The following LRSAM1 variants were observed in gnomAD, a reference collection of about 807,000 sequenced individuals.
LRSAM1 encodes the protein E3 ubiquitin-protein ligase LRSAM1.
Under a neutral mutation model 118.1 loss-of-function variants are expected in LRSAM1, and 96 were observed. That is an observed-to-expected ratio of 0.81 (90% CI 0.69 to 0.96). LRSAM1 has a LOEUF of 0.96. LRSAM1 is among the 40% of genes least tolerant of loss of function. The pLI is 0.00. For synonymous variants in LRSAM1, 322 were observed against 364.2 expected (o/e 0.88, Z 1.32); for missense variants, 804 against 915.5 (o/e 0.88, Z 1.57).
chr9:127,456,968 C>T (rs1282286497), intron 5 of LRSAM1, among the ~76,000 whole-genome samples: 3 of 152,062 alleles, frequency 2.0e-5, no homozygotes, highest in East Asian at 3.9e-4. Flanking sequence ...TTTTATTTAA[C>T]ATCATGGCAG....
chr9:127,497,307 C>T lies in LRSAM1; in HGVS notation c.1885C>T (p.Leu629=), dbSNP rs764391717. 3.4e-5 allele frequency: 55 copies of T among 1,612,764 alleles called. No homozygotes were observed. Among genetic ancestry groups the T allele is most frequent in the Non-Finnish European group, 4.3e-5 (51 of 1,179,986 alleles). ...QHEILRRVQE[L]LDAARIQPEL... ...CGAGATCCTCCGGAGAGTCCAGGAA[C>T]TGCTGGATGCAGCCAGGATCCAGCC... Residue 629 remains leucine, a synonymous_variant, in exon 24 of 26, where the codon CTG becomes TTG. Transcript: ENST00000300417.
At chr9:127,457,863 C>T (rs1834578793) in intron 6 of LRSAM1, among the ~76,000 whole-genome samples, 1 of 151,972 alleles carries the variant, frequency 6.6e-6, no homozygotes, top group African/African-American at 2.4e-5. Flanking sequence ...AGGCCGGCAG[C>T]ACAGGTGTCA....
chr9:127,462,816 G>A (rs2132015876), intron 9 of LRSAM1, among the ~76,000 whole-genome samples: 1 of 151,142 alleles, frequency 6.6e-6, no homozygotes, highest in South Asian at 2.1e-4. Flanking sequence ...TGCTGCACAT[G>A]TACTCCTGAG....
intron 24 of LRSAM1, 57 bp downstream of exon 24, chr9:127,497,391 T>C: frequency 2.0e-6 from 3 of 1,519,052 alleles, no homozygotes; most frequent in East Asian, 2.3e-5. Context: ...GTGTGGGCTC[T>C]GGTGGGGACA....
At chr9:127,463,094 G>A (rs1180968849) in intron 9 of LRSAM1, among the ~76,000 whole-genome samples, 4 of 151,722 alleles carry the variant, frequency 2.6e-5, no homozygotes, top group Non-Finnish European at 5.9e-5. Context: ...CTACTCGGGG[G>A]AGGCTGAGAC....
chr9:127,478,173 T>TA (rs1286687924), intron 11 of LRSAM1, among the ~76,000 whole-genome samples: 1 of 152,176 alleles, frequency 6.6e-6, no homozygotes, highest in African/African-American at 2.4e-5. Context: ...TGATGTTTAA[T>TA]ACCTGCTCCT....
intron 8 of LRSAM1, among the ~76,000 whole-genome samples, chr9:127,461,761 T>C (rs558626068): frequency 6.6e-6 from 1 of 152,256 alleles, no homozygotes; most frequent in Non-Finnish European, 1.5e-5. Flanking sequence ...CCAAGACCAC[T>C]GCACAGGCGC....
At chr9:127,483,712 G>A (rs1835622847) in intron 16 of LRSAM1, among the ~76,000 whole-genome samples, 2 of 152,256 alleles carry the variant, frequency 1.3e-5, no homozygotes, top group East Asian at 3.9e-4. Flanking sequence ...TGCTCAGGCT[G>A]GAGTACAGTG....
chr9:127,483,745 C>T (rs1462635486), intron 16 of LRSAM1, among the ~76,000 whole-genome samples: 3 of 152,118 alleles, frequency 2.0e-5, no homozygotes, highest in Admixed American at 6.6e-5. Flanking sequence ...CTCACTGCAA[C>T]CTCCGCCTCC....
At chr9:127,466,776 G>A (rs761453114) in intron 9 of LRSAM1, among the ~76,000 whole-genome samples, 2 of 151,798 alleles carry the variant, frequency 1.3e-5, no homozygotes, top group African/African-American at 2.4e-5. Flanking sequence ...ACTTTGGGAG[G>A]CGGGCGAATT....
At chr9:127,496,456 CTGGGCACAAGCTGAGCTCT>C (rs1836149048) in intron 23 of LRSAM1, among the ~76,000 whole-genome samples, 1 of 152,228 alleles carries the variant, frequency 6.6e-6, no homozygotes, top group Non-Finnish European at 1.5e-5. Flanking sequence ...CTGTTCCTTT[CTGGGCACAAGCTGAGCTCT>C]TTACAGCACA....
Position 127,473,865 on chromosome 9 carries a change from C to G in LRSAM1, c.684C>G (p.Ile228Met), listed in dbSNP as rs376671005. Reference sequence around the variant, plus strand: ...TGCCAATTCTGGAGCAAGATGGAATCGAGAACTCTCGGGACAGCCCTGATG... The same window carrying G: ...TGCCAATTCTGGAGCAAGATGGAATGGAGAACTCTCGGGACAGCCCTGATG... ...YLLPILEQDG[I>M]ENSRDSPDGP... is the part of the protein sequence containing the mutation. The change falls in exon 11 of 26, where the codon ATC becomes ATG. Residue 228 changes from isoleucine to methionine, a missense_variant. By Grantham distance (10) the Ile-to-Met change is conservative. Coordinates refer to ENST00000300417, the MANE Select transcript of LRSAM1 (RefSeq NM_001005373.4). The G allele has an allele frequency of 1.2e-5, 19 of 1,614,228 alleles. No homozygotes were observed. The highest frequency in any genetic ancestry group is 1.5e-5 in the Non-Finnish European group (18 of 1,180,046).
chr9:127,469,891 G>C (rs950704076), intron 10 of LRSAM1, among the ~76,000 whole-genome samples: 4 of 152,096 alleles, frequency 2.6e-5, no homozygotes, highest in Non-Finnish European at 4.4e-5. Flanking sequence ...CGTGAACCCG[G>C]GAGGAGGAGC....
chr9:127,480,082 CG>C, intron 14 of LRSAM1, 104 bp downstream of exon 14: 1 of 1,507,146 alleles, frequency 6.6e-7, no homozygotes, highest in Non-Finnish European at 9.2e-7. Context: ...GCCCCTGCCC[CG>C]GGCTTCCCTT....
chr9:127,463,982 C>A (rs750249034), intron 9 of LRSAM1, among the ~76,000 whole-genome samples: 2 of 152,250 alleles, frequency 1.3e-5, no homozygotes, highest in Admixed American at 1.3e-4. Context: ...TCGTTGTAAA[C>A]CAGGCCGTCT....
intron 21 of LRSAM1, among the ~76,000 whole-genome samples, chr9:127,494,218 C>G (rs918354957): frequency 1.3e-5 from 2 of 152,230 alleles, no homozygotes; most frequent in Non-Finnish European, 2.9e-5. Context: ...GGGCCAACGA[C>G]GGAAGGGAGC....
At chr9:127,481,162 C>A in intron 14 of LRSAM1, 21 bp from the exon 15 acceptor site, 1 of 1,613,900 alleles carries the variant, frequency 6.2e-7, no homozygotes, top group Non-Finnish European at 8.5e-7. Context: ...CTGCCAGGAC[C>A]TTTTATGATT....
Position 127,462,325 on chromosome 9 carries a change from C to A in LRSAM1, c.480C>A (p.Asn160Lys). 1 of 1,614,096 alleles carries A rather than the reference C, an allele frequency of 6.2e-7. No homozygotes were observed. The highest frequency in any genetic ancestry group is 1.1e-5 in the South Asian group (1 of 91,082). The change falls in exon 9 of 26, where the codon AAC (asparagine) becomes AAA (lysine). Residue 160 changes from asparagine (N) to lysine (K), a missense_variant. Transcript: ENST00000300417. The part of the protein sequence containing the change: ...RSLRTLNISG[N>K]EIQRLPQMLA... ...TGCGTACCCTCAACATCAGTGGAAA[C>A]GAGATCCAGAGATTGCCGCAGATGC... is the stretch of plus-strand genomic sequence containing the variant.
At chr9:127,496,154 C>T in intron 23 of LRSAM1, 59 bp downstream of exon 23, 1 of 1,595,280 alleles carries the variant, frequency 6.3e-7, no homozygotes, top group South Asian at 1.1e-5. Flanking sequence ...TCCTGACCAG[C>T]CGGGGGTTGA....
Sources: gnomAD v4.1 joint callset for allele counts (sites outside exome capture counted in the v4.1 genomes callset) on GRCh38, gnomAD v4.1.1 for gene constraint, MANE v1.5 for transcripts, NCBI Gene and HGNC (gene_info 2026-07-23, HGNC 2026-07-21) for gene names.